The following EYS variants were observed in gnomAD, a reference collection of about 807,000 sequenced individuals.
The protein encoded by EYS is EGF-like photoreceptor maintenance factor, also known as protein eyes shut homolog.
Under a neutral mutation model 282.1 loss-of-function variants are expected in EYS, and 250 were observed. That is an observed-to-expected ratio of 0.89 (90% CI 0.80 to 0.98). EYS has a LOEUF of 0.98. EYS is among the 50% of genes least tolerant of loss of function. The pLI is 0.00. For missense variants in EYS, 4,016 were observed against 3,709.0 expected, an observed-to-expected ratio of 1.08 and a Z score of -2.15; for synonymous variants, 1,355 against 1,282.9, an observed-to-expected ratio of 1.06 and a Z score of -1.20.
chr6:63,991,631 C>CG (rs1207277535), intron 34 of EYS, among the ~76,000 whole-genome samples: 4 of 151,250 alleles, frequency 2.6e-5, no homozygotes, highest in Admixed American at 6.6e-5. Flanking sequence ...AATTCAAAGA[C>CG]GGATCACTTG....
At chr6:65,045,672 C>T (rs1773079411) in intron 13 of EYS, among the ~76,000 whole-genome samples, 1 of 151,784 alleles carries the variant, frequency 6.6e-6, no homozygotes, top group South Asian at 2.1e-4. Context: ...GACTTTGCAG[C>T]CTCCAGAACC....
intron 1 of EYS, among the ~76,000 whole-genome samples, chr6:65,674,559 G>A (rs527424156): frequency 6.6e-6 from 1 of 150,910 alleles, no homozygotes; most frequent in East Asian, 2.0e-4. Context: ...AATATTGAAG[G>A]CCAGAAGGAC....
intron 12 of EYS, among the ~76,000 whole-genome samples, chr6:65,289,053 G>T (rs1768449734): frequency 6.6e-6 from 1 of 150,912 alleles, no homozygotes; most frequent in East Asian, 1.9e-4. Flanking sequence ...AATAGTGTTG[G>T]CATATATTTA....
At chr6:64,193,740 A>T (rs1418419588) in intron 31 of EYS, among the ~76,000 whole-genome samples, 1 of 151,998 alleles carries the variant, frequency 6.6e-6, no homozygotes, top group Non-Finnish European at 1.5e-5. Flanking sequence ...TGTGAATGAG[A>T]ACATGTGGTG....
chr6:63,977,673 G>A (rs1766902949), intron 35 of EYS, among the ~76,000 whole-genome samples: 1 of 151,996 alleles, frequency 6.6e-6, no homozygotes, highest in African/African-American at 2.4e-5. Flanking sequence ...GGCCCTTGGA[G>A]CAAGGCTTTG....
intron 19 of EYS, among the ~76,000 whole-genome samples, chr6:64,827,641 T>A (rs9345547): frequency 0.15 from 23,175 of 151,798 alleles, 2,024 homozygotes; most frequent in East Asian, 0.44. Context: ...TCAGTGATTT[T>A]AAAAATTCAA....
intron 22 of EYS, among the ~76,000 whole-genome samples, chr6:64,704,611 A>G (rs1770930617): frequency 6.6e-6 from 1 of 151,152 alleles, no homozygotes; most frequent in Non-Finnish European, 1.5e-5. Context: ...CCCATGGAAT[A>G]TGACTTCACA....
At chr6:65,349,896 C>T (rs1351825346) in intron 9 of EYS, among the ~76,000 whole-genome samples, 1 of 151,400 alleles carries the variant, frequency 6.6e-6, no homozygotes, top group African/African-American at 2.4e-5. Flanking sequence ...AAGTTTTCTC[C>T]ATGTAGAAGT....
chr6:65,463,942 A>T (rs902551173), intron 5 of EYS, among the ~76,000 whole-genome samples: 4 of 152,140 alleles, frequency 2.6e-5, no homozygotes, highest in Admixed American at 6.6e-5. Flanking sequence ...TATAATTTTA[A>T]TATATTGTGA....
intron 26 of EYS, among the ~76,000 whole-genome samples, chr6:64,441,147 C>T (rs762756277): frequency 1.3e-5 from 2 of 152,126 alleles, no homozygotes; most frequent in Non-Finnish European, 2.9e-5. Context: ...GACAAGACTA[C>T]GTTGAAGATG....
At chr6:64,391,072 A>AG (rs1428436833) in intron 28 of EYS, among the ~76,000 whole-genome samples, 1 of 152,196 alleles carries the variant, frequency 6.6e-6, no homozygotes, top group Non-Finnish European at 1.5e-5. Flanking sequence ...GGAAGTTTAG[A>AG]GAAAAAAGAA....
At chr6:64,709,490 T>C (rs1221342540) in intron 22 of EYS, among the ~76,000 whole-genome samples, 1 of 152,180 alleles carries the variant, frequency 6.6e-6, no homozygotes, top group Non-Finnish European at 1.5e-5. Flanking sequence ...TTAAATATTT[T>C]AATTATTTAT....
intron 35 of EYS, among the ~76,000 whole-genome samples, chr6:63,921,996 G>A (rs1186221316): frequency 6.6e-6 from 1 of 152,146 alleles, no homozygotes; most frequent in African/African-American, 2.4e-5. Context: ...ATAAGACTGT[G>A]GCCTTATAAG....
At chr6:64,438,020 T>C (rs909744722) in intron 27 of EYS, among the ~76,000 whole-genome samples, 1 of 151,724 alleles carries the variant, frequency 6.6e-6, no homozygotes, top group Non-Finnish European at 1.5e-5. Flanking sequence ...GTTATTGCAA[T>C]GATGATTGGG....
intron 26 of EYS, among the ~76,000 whole-genome samples, chr6:64,497,676 A>G (rs1245758998): frequency 1.3e-5 from 2 of 152,102 alleles, no homozygotes; most frequent in Non-Finnish European, 2.9e-5. Flanking sequence ...CTCACGGGCA[A>G]ACCAGTTCGG....
At chr6:64,333,308 G>A (rs940429989) in intron 29 of EYS, among the ~76,000 whole-genome samples, 2 of 152,054 alleles carry the variant, frequency 1.3e-5, no homozygotes, top group African/African-American at 4.8e-5. Flanking sequence ...CTCAAATAAA[G>A]GGCCTATCTC....
At chr6:65,201,288 T>C (rs1010994901) in intron 12 of EYS, among the ~76,000 whole-genome samples, 1 of 152,202 alleles carries the variant, frequency 6.6e-6, no homozygotes, top group African/African-American at 2.4e-5. Context: ...CTTAGTATGT[T>C]AACATAAATG....
intron 31 of EYS, among the ~76,000 whole-genome samples, chr6:64,136,212 A>G (rs1011144261): frequency 3.8e-4 from 57 of 151,110 alleles, no homozygotes; most frequent in African/African-American, 1.4e-3. Flanking sequence ...AAGTATCATC[A>G]TGAGATTATA....
At chr6:65,035,733 G>T (rs1232767385) in intron 13 of EYS, among the ~76,000 whole-genome samples, 2 of 151,772 alleles carry the variant, frequency 1.3e-5, no homozygotes, top group Admixed American at 1.3e-4. Context: ...AAGAATCGTT[G>T]TTAAAATGGC....
Sources: gnomAD v4.1 joint callset for allele counts (sites outside exome capture counted in the v4.1 genomes callset) on GRCh38, gnomAD v4.1.1 for gene constraint, MANE v1.5 for transcripts, NCBI Gene and HGNC (gene_info 2026-07-23, HGNC 2026-07-21) for gene names.